Variants in FBXO11 observed in about 807,000 individuals in gnomAD.
FBXO11 encodes the protein F-box protein 11.
A neutral mutation model predicts 117.0 loss-of-function variants in FBXO11; 13 were observed. The ratio of observed to expected loss-of-function variants is 0.11; its 90% CI spans 0.07 to 0.18. FBXO11 has a LOEUF of 0.18. Among genes scored for constraint, FBXO11 ranks in the 10% least tolerant of loss-of-function variants. The pLI, the probability that FBXO11 is intolerant of heterozygous loss-of-function variation, is 1.00. For missense variants in FBXO11, 767 were observed against 1,164.4 expected, an observed-to-expected ratio of 0.66 and a Z score of 4.97; for synonymous variants, 490 against 380.5, an observed-to-expected ratio of 1.29 and a Z score of -3.35.
intron 1 of FBXO11, among the ~76,000 whole-genome samples, chr2:47,872,576 G>A (rs1327454281): frequency 2.0e-5 from 3 of 152,216 alleles, no homozygotes; most frequent in African/African-American, 7.2e-5. Flanking sequence ...CGCGTGCCTC[G>A]GCATCCCAAA....
intron 1 of FBXO11, chr2:47,888,767 T>C (rs1677051315): frequency 6.7e-6 from 3 of 446,092 alleles, no homozygotes; most frequent in Non-Finnish European, 8.9e-6. Flanking sequence ...CCACACACAC[T>C]TCAGAACCTC....
At position 47,834,598 on chromosome 2, in the gene FBXO11, T is replaced by G. The variant is rs1265917121; in HGVS notation, c.915A>C (p.Pro305=). Residue 305 remains proline (P), a synonymous_variant, in exon 7 of 23, where the codon CCA becomes CCC. Coordinates refer to ENST00000403359, the MANE Select transcript of FBXO11 (RefSeq NM_001190274.2). ...AAATACCTGCACCAATCATGGTGAT[T>G]GGAGATTCAATATATATCCATTCAT... ...YTDEWIYIES[P]ITMIGAAPGK... is the part of the protein sequence containing the mutation. 6.3e-7 allele frequency: 1 copy of G among 1,582,716 alleles called. No individual in the cohort carries two copies. The highest frequency in any genetic ancestry group is 1.4e-5 in the African/African-American group (1 of 73,384).
At chr2:47,839,561 C>T in intron 2 of FBXO11, 61 bp from the exon 3 acceptor site, 1 of 1,602,282 alleles carries the variant, frequency 6.2e-7, no homozygotes, top group Non-Finnish European at 8.5e-7. Flanking sequence ...ATCATTACTT[C>T]TAAAAAAGGA....
chr2:47,851,493 C>CT, intron 1 of FBXO11, among the ~76,000 whole-genome samples: 1 of 152,264 alleles, frequency 6.6e-6, no homozygotes, highest in South Asian at 2.1e-4. Flanking sequence ...TCCCAAAGTG[C>CT]TGGGATTACA....
intron 1 of FBXO11, among the ~76,000 whole-genome samples, chr2:47,893,682 A>G (rs1039581662): frequency 2.0e-5 from 3 of 152,230 alleles, no homozygotes; most frequent in Admixed American, 6.5e-5. Flanking sequence ...AACCTTGCTG[A>G]TTTATATTGG....
intron 1 of FBXO11, among the ~76,000 whole-genome samples, chr2:47,895,827 G>C (rs1273150329): frequency 6.6e-6 from 1 of 151,984 alleles, no homozygotes; most frequent in Non-Finnish European, 1.5e-5. Context: ...CGAGTAGCTG[G>C]GATTACAGGC....
At chr2:47,843,210 A>T (rs1673144789) in intron 1 of FBXO11, among the ~76,000 whole-genome samples, 2 of 152,246 alleles carry the variant, frequency 1.3e-5, no homozygotes, top group Non-Finnish European at 2.9e-5. Flanking sequence ...TTTGTATATT[A>T]ATAATATGAC....
chr2:47,834,906 A>G (rs778411951), intron 5 of FBXO11, 35 bp from the exon 6 acceptor site: 4 of 1,411,636 alleles, frequency 2.8e-6, no homozygotes, highest in Non-Finnish European at 4.0e-6. Context: ...ACCATTGACT[A>G]CTAACATAAA....
At chr2:47,825,413 C>CA (rs1479169523) in intron 11 of FBXO11, among the ~76,000 whole-genome samples, 2 of 151,142 alleles carry the variant, frequency 1.3e-5, no homozygotes, top group Admixed American at 6.6e-5. Flanking sequence ...AACTGACCAT[C>CA]AAAAAAACAA....
chr2:47,824,399 G>C (rs919453958), intron 11 of FBXO11, among the ~76,000 whole-genome samples: 1 of 152,178 alleles, frequency 6.6e-6, no homozygotes, highest in Non-Finnish European at 1.5e-5. Flanking sequence ...GGCTGAGGTG[G>C]GAGGACTGTT....
chr2:47,846,533 T>A (rs923188314), intron 1 of FBXO11, among the ~76,000 whole-genome samples: 2 of 152,194 alleles, frequency 1.3e-5, no homozygotes, highest in African/African-American at 4.8e-5. Context: ...TGCCAATGAT[T>A]GTCAAGTTGT....
chr2:47,882,551 A>G (rs1208070462), intron 1 of FBXO11, among the ~76,000 whole-genome samples: 1 of 152,208 alleles, frequency 6.6e-6, no homozygotes, highest in Non-Finnish European at 1.5e-5. Context: ...AAAACTTAAA[A>G]AAATAAAATC....
chr2:47,858,659 G>A (rs1674503004), intron 1 of FBXO11, among the ~76,000 whole-genome samples: 1 of 137,570 alleles, frequency 7.3e-6, no homozygotes. Context: ...TCCAGCCTGG[G>A]CAACAGAGTG....
chr2:47,905,361 C>T (rs969639176), intron 1 of FBXO11, 128 bp downstream of exon 1: 274 of 966,560 alleles, frequency 2.8e-4, no homozygotes, highest in Non-Finnish European at 3.4e-4. Flanking sequence ...GACCCGCCTC[C>T]GCTCAGCTTG....
At chr2:47,858,981 G>A (rs1371394022) in intron 1 of FBXO11, among the ~76,000 whole-genome samples, 2 of 146,526 alleles carry the variant, frequency 1.4e-5, no homozygotes, top group African/African-American at 5.0e-5. Flanking sequence ...GGAGGTCGCA[G>A]TGAGCAGAGA....
chr2:47,868,207 C>G (rs1434617538), intron 1 of FBXO11, among the ~76,000 whole-genome samples: 2 of 146,268 alleles, frequency 1.4e-5, no homozygotes, highest in Admixed American at 7.1e-5. Flanking sequence ...CACTTGAACC[C>G]GGGAGGCGGA....
intron 1 of FBXO11, among the ~76,000 whole-genome samples, chr2:47,899,223 G>A (rs187047542): frequency 5.1e-5 from 7 of 136,342 alleles, no homozygotes; most frequent in African/African-American, 2.0e-4. Flanking sequence ...GCGGTGAGCC[G>A]AAATCGCGCC....
At chr2:47,903,557 CA>C (rs1678485865) in intron 1 of FBXO11, among the ~76,000 whole-genome samples, 1 of 151,978 alleles carries the variant, frequency 6.6e-6, no homozygotes, top group South Asian at 2.1e-4. Flanking sequence ...TAAAAGTGTC[CA>C]AGACAAAATT....
intron 1 of FBXO11, among the ~76,000 whole-genome samples, chr2:47,848,863 A>G (rs1673621949): frequency 6.6e-6 from 1 of 152,166 alleles, no homozygotes; most frequent in Non-Finnish European, 1.5e-5. Context: ...CTTTACCTTG[A>G]AAGTTTGCAA....
Sources: allele counts gnomAD v4.1 joint callset (sites outside exome capture counted in the v4.1 genomes callset), GRCh38; gene constraint gnomAD v4.1.1; transcripts MANE v1.5; gene names NCBI Gene and HGNC (gene_info 2026-07-23, HGNC 2026-07-21).